SVOP: variants seen among roughly 807,000 people sequenced by gnomAD.
SVOP encodes SV2 related protein.
Under a neutral mutation model 69.1 loss-of-function variants are expected in SVOP, and 17 were observed. The ratio of observed to expected loss-of-function variants is 0.25; its 90% CI spans 0.17 to 0.37. The LOEUF is 0.37. Among genes scored for constraint, SVOP ranks in the 10% least tolerant of loss-of-function variants. The pLI, the probability that SVOP is intolerant of heterozygous loss-of-function variation, is 1.00. For missense variants in SVOP, 435 were observed against 597.5 expected (o/e 0.73, Z 2.84); for synonymous variants, 238 against 238.6 (o/e 1.00, Z 0.02).
In SVOP at chr12:108,913,148, C is replaced by T. The variant is rs184390993; in HGVS notation, c.1441-407G>A. Among the ~76,000 whole-genome samples the T allele has an allele frequency of 2.0e-3, 303 of 151,810 alleles. 2 individuals are homozygous for T. Among genetic ancestry groups the T allele is most frequent in the Middle Eastern group, 6.8e-3 (2 of 294 alleles). The stretch of plus-strand genomic sequence containing the variant: ...GTGCAATGGCGCAATCTTGGCTCAC[C>T]GCAACCTCCGCCTTCAGGGTTCAAG... On this transcript the variant is annotated intron_variant, in intron 15 of 15. Transcript: ENST00000610966.
chr12:108,999,890 A>G (rs2040258029), intron 1 of SVOP, among the ~76,000 whole-genome samples: 1 of 152,060 alleles, frequency 6.6e-6, no homozygotes, highest in Admixed American at 6.5e-5. Context: ...CCCTAACATC[A>G]CAATTAAAAG....
chr12:108,982,444 C>T (rs2040141973), intron 2 of SVOP, among the ~76,000 whole-genome samples: 1 of 150,778 alleles, frequency 6.6e-6, no homozygotes, highest in African/African-American at 2.4e-5. Flanking sequence ...CCATCATCAT[C>T]ATCACCATAA....
rs765128532 is a variant in SVOP, at chr12:108,912,581, A to G, written c.1601T>C (p.Met534Thr). The change falls in exon 16 of 16, where the codon ATG (methionine) becomes ACG (threonine). Residue 534 changes from methionine (M) to threonine (T), a missense_variant. Met to Thr is a moderately conservative substitution (Grantham distance 81, BLOSUM62 -1). Coordinates refer to ENST00000610966, the MANE Select transcript of SVOP (RefSeq NM_018711.5). ...EWGQEMVGRG[M>T]HGAGVTRSNS... ...CGACCTGGTAACACCTGCACCGTGCATTCCTCGGCCGACCATCTCCTGGCC... is the reference window on the plus strand; with the variant it reads ...CGACCTGGTAACACCTGCACCGTGCGTTCCTCGGCCGACCATCTCCTGGCC... 7 of 1,613,664 alleles carry G rather than the reference A, an allele frequency of 4.3e-6. No individual in the cohort carries two copies. The highest frequency in any genetic ancestry group is 5.9e-6 in the Non-Finnish European group (7 of 1,179,788).
intron 1 of SVOP, among the ~76,000 whole-genome samples, chr12:109,015,014 C>T (rs535944105): frequency 1.3e-5 from 2 of 152,320 alleles, no homozygotes; most frequent in South Asian, 2.1e-4. Context: ...CTTGAACCAC[C>T]ATGCCCAGCT....
At chr12:109,006,141 C>T (rs541228338) in intron 1 of SVOP, among the ~76,000 whole-genome samples, 5 of 152,272 alleles carry the variant, frequency 3.3e-5, no homozygotes, top group African/African-American at 1.2e-4. Flanking sequence ...CAACTTCTCA[C>T]TCCTGGATTC....
chr12:108,980,223 C>G (rs1345220446), intron 2 of SVOP, among the ~76,000 whole-genome samples: 1 of 152,042 alleles, frequency 6.6e-6, no homozygotes, highest in Non-Finnish European at 1.5e-5. Context: ...AATTAAAACA[C>G]TAAACCCAAT....
chr12:108,984,502 C>A (rs1450915055), intron 1 of SVOP, among the ~76,000 whole-genome samples: 1 of 152,144 alleles, frequency 6.6e-6, no homozygotes, highest in African/African-American at 2.4e-5. Context: ...CACAGTTGAC[C>A]ACTGTCTCAT....
chr12:109,005,933 T>C (rs922145966), intron 1 of SVOP, among the ~76,000 whole-genome samples: 2 of 152,110 alleles, frequency 1.3e-5, no homozygotes, highest in Non-Finnish European at 2.9e-5. Flanking sequence ...TGGGACACCA[T>C]GGAAGGGTTT....
intron 6 of SVOP, among the ~76,000 whole-genome samples, chr12:108,953,387 A>C (rs2039968226): frequency 6.7e-6 from 1 of 149,186 alleles, no homozygotes; most frequent in Admixed American, 6.6e-5. Flanking sequence ...ACCTCGGGTG[A>C]TCTGCCCGCC....
chr12:108,919,114 G>A (rs1733382843), intron 13 of SVOP, among the ~76,000 whole-genome samples: 1 of 151,028 alleles, frequency 6.6e-6, no homozygotes, highest in African/African-American at 2.4e-5. Flanking sequence ...ACCCCTACCT[G>A]CACCCACACC....
At chr12:108,929,242 G>T (rs539302565) in intron 11 of SVOP, among the ~76,000 whole-genome samples, 1 of 152,364 alleles carries the variant, frequency 6.6e-6, no homozygotes, top group African/African-American at 2.4e-5. Flanking sequence ...TAGAAGGAAA[G>T]ATATGCTTCC....
intron 1 of SVOP, among the ~76,000 whole-genome samples, chr12:109,018,136 C>G (rs200062095): frequency 9.5e-6 from 1 of 104,838 alleles, no homozygotes; most frequent in Admixed American, 9.4e-5. Flanking sequence ...ATGAATGAAT[C>G]GATCAATCAG....
At chr12:108,948,000 A>T (rs2039934519) in intron 6 of SVOP, among the ~76,000 whole-genome samples, 1 of 152,022 alleles carries the variant, frequency 6.6e-6, no homozygotes, top group Non-Finnish European at 1.5e-5. Context: ...TCTCTTAGGG[A>T]TACTCTTGAG....
At position 108,910,591 on chromosome 12, in the gene SVOP, G is replaced by C. The variant is rs1021938169; in HGVS notation, c.*1944C>G. 4 of 152,268 alleles carry C rather than the reference G, an allele frequency of 2.6e-5. No homozygotes were observed. Among genetic ancestry groups the C allele is most frequent in the Non-Finnish European group, 5.9e-5 (4 of 68,062 alleles). The allele number at this position is 152,268 out of a possible 1,614,324, so 9.4% of individuals were successfully genotyped here. On this transcript the variant is annotated 3_prime_UTR_variant, in exon 16 of 16. Coordinates refer to ENST00000610966, the MANE Select transcript of SVOP (RefSeq NM_018711.5). ...CAAGCCATCTCCTCTTCAACTGCCTGGGCGGAGGGGGCTGCAGCCCACATT... is the reference window on the plus strand; with the variant it reads ...CAAGCCATCTCCTCTTCAACTGCCTCGGCGGAGGGGGCTGCAGCCCACATT...
At chr12:108,937,433 G>A in intron 9 of SVOP, 96 bp from the exon 10 acceptor site, 2 of 1,224,184 alleles carry the variant, frequency 1.6e-6, no homozygotes, top group Non-Finnish European at 2.4e-6. Flanking sequence ...AGGCTGGGAG[G>A]AAGGTTTCTA....
chr12:108,987,589 C>T (rs1309461879), intron 1 of SVOP, among the ~76,000 whole-genome samples: 1 of 152,224 alleles, frequency 6.6e-6, no homozygotes, highest in Non-Finnish European at 1.5e-5. Context: ...AATTTCTCCA[C>T]ATCCTTGCCA....
chr12:108,935,689 T>C (rs1026973785), intron 10 of SVOP, among the ~76,000 whole-genome samples: 2 of 152,202 alleles, frequency 1.3e-5, no homozygotes. Flanking sequence ...CTGGTTAAAA[T>C]AGAACATAAA....
At position 108,933,612 on chromosome 12, in the gene SVOP, G is replaced by A. The variant is rs529131360; in HGVS notation, c.1048+583C>T. ...GGAGGATTGCTTGAACCCAGGAAGC[G>A]GAGGCTGCAGTGAGCTGAGATCAAG... On this transcript the variant is annotated intron_variant, in intron 11 of 15. Transcript: ENST00000610966. 3.6e-3 allele frequency among the ~76,000 whole-genome samples: 542 copies of A among 152,126 alleles called. 2 individuals are homozygous for A. The highest frequency in any genetic ancestry group is 5.7e-3 in the Non-Finnish European group (387 of 67,996).
At chr12:109,017,277 T>C (rs1267484024) in intron 1 of SVOP, among the ~76,000 whole-genome samples, 1 of 151,320 alleles carries the variant, frequency 6.6e-6, no homozygotes, top group African/African-American at 2.5e-5. Context: ...GGGTCTAAGT[T>C]GCAGGCTCCT....
Sources: allele counts gnomAD v4.1 joint callset (sites outside exome capture counted in the v4.1 genomes callset), GRCh38; gene constraint gnomAD v4.1.1; transcripts MANE v1.5; gene names NCBI Gene and HGNC (gene_info 2026-07-23, HGNC 2026-07-21).